Variants in TES observed in about 807,000 individuals in gnomAD.
TES encodes the protein testin LIM domain protein, also known as testin.
Under a neutral mutation model 48.2 loss-of-function variants are expected in TES, and 41 were observed. That is an observed-to-expected ratio of 0.85 (90% confidence interval 0.66 to 1.10). The LOEUF (loss-of-function observed/expected upper bound fraction) is 1.10, where lower values mean the gene tolerates loss of function less well. TES is among the 50% of genes least tolerant of loss of function. TES has a pLI of 0.00. For synonymous variants in TES, 162 were observed against 174.9 expected (o/e 0.93, Z 0.58); for missense variants, 463 against 515.1 (o/e 0.90, Z 0.98).
intron 1 of TES, among the ~76,000 whole-genome samples, chr7:116,216,489 G>A (rs1420645479): frequency 6.6e-6 from 1 of 152,042 alleles, no homozygotes; most frequent in Admixed American, 6.6e-5. Context: ...GATGATTTCT[G>A]AGGTTTCTCC....
At chr7:116,221,011 C>T (rs1799550005) in intron 1 of TES, among the ~76,000 whole-genome samples, 1 of 152,040 alleles carries the variant, frequency 6.6e-6, no homozygotes, top group Non-Finnish European at 1.5e-5. Context: ...AATATATTGT[C>T]AAGAATTTTA....
At chr7:116,219,239 C>G (rs1304935497) in intron 1 of TES, among the ~76,000 whole-genome samples, 1 of 152,022 alleles carries the variant, frequency 6.6e-6, no homozygotes, top group Non-Finnish European at 1.5e-5. Context: ...GTAAAACCAC[C>G]CTTGACATTT....
chr7:116,242,535 CTCTG>C (rs142637570), intron 2 of TES, among the ~76,000 whole-genome samples: 92 of 53,954 alleles, frequency 1.7e-3, no homozygotes, highest in Middle Eastern at 0.011. Flanking sequence ...CTCTCTCTCT[CTCTG>C]TCTCTGTCTC....
At chr7:116,232,698 C>A (rs1225835161) in intron 1 of TES, among the ~76,000 whole-genome samples, 1 of 152,022 alleles carries the variant, frequency 6.6e-6, no homozygotes, top group Non-Finnish European at 1.5e-5. Flanking sequence ...GAACTGTGAT[C>A]ATCAGTGACA....
At chr7:116,248,571 C>T (rs1799959267) in intron 2 of TES, among the ~76,000 whole-genome samples, 1 of 152,072 alleles carries the variant, frequency 6.6e-6, no homozygotes, top group African/African-American at 2.4e-5. Flanking sequence ...TATTTTTTGG[C>T]CATATGTATA....
rs200639579 is a variant in TES at position 116,251,918 on chromosome 7, A to G, written c.861A>G (p.Leu287=). 3.1e-6 allele frequency: 5 copies of G among 1,614,120 alleles called. No individual in the cohort carries two copies. The highest frequency in any genetic ancestry group is 4.2e-6 in the Non-Finnish European group (5 of 1,180,026). The change falls in exon 5 of 7, where the codon CTA becomes CTG. Residue 287 remains leucine, a synonymous_variant. Coordinates refer to ENST00000358204, the MANE Select transcript of TES (RefSeq NM_015641.4). ...TTTATTTTTGGAAGAATGAGAAGCT[A>G]TACTGTGGCAGACATTACTGTGACA... is the stretch of plus-strand genomic sequence containing the variant. The part of the protein sequence containing the change: ...DMIYFWKNEK[L]YCGRHYCDSE...
At chr7:116,245,251 T>A (rs186686948) in intron 2 of TES, among the ~76,000 whole-genome samples, 1 of 152,168 alleles carries the variant, frequency 6.6e-6, no homozygotes, top group Non-Finnish European at 1.5e-5. Context: ...CAAACTTTTA[T>A]CCTCCGTCAC....
rs750187390 is a variant in TES, at chr7:116,210,674, T to TAGG, written c.-24_-22dup. The TAGG allele has an allele frequency of 3.1e-6, 4 of 1,303,732 alleles. No individual in the cohort carries two copies. The highest frequency in any genetic ancestry group is 3.9e-6 in the Non-Finnish European group (4 of 1,014,248). 80.8% of individuals were successfully genotyped at this position (1,303,732 alleles called of 1,614,324 possible). ...CTGAACCCGGCCGTGGGATCCCGGA[T>TAGG]AGGAGGAGGAGGGGACCCATAGGAC... On this transcript the variant is annotated 5_prime_UTR_variant, in exon 1 of 7. Coordinates refer to ENST00000358204, the MANE Select transcript of TES (RefSeq NM_015641.4).
intron 1 of TES, among the ~76,000 whole-genome samples, chr7:116,212,454 C>A (rs1341804865): frequency 6.6e-6 from 1 of 152,164 alleles, no homozygotes; most frequent in Non-Finnish European, 1.5e-5. Flanking sequence ...ATGTACTGCA[C>A]TGATACGGGT....
intron 2 of TES, among the ~76,000 whole-genome samples, chr7:116,237,019 A>G (rs533682676): frequency 1.1e-3 from 160 of 152,306 alleles, no homozygotes; most frequent in Non-Finnish European, 1.5e-3. Context: ...CTTTTTCACC[A>G]TAGCTAAAAG....
chr7:116,253,498 G>C (rs1006172211), intron 6 of TES, among the ~76,000 whole-genome samples: 1 of 151,884 alleles, frequency 6.6e-6, no homozygotes, highest in Non-Finnish European at 1.5e-5. Flanking sequence ...TTGCTCAAAA[G>C]CTACCCACCA....
At chr7:116,224,287 C>T (rs1035259964) in intron 1 of TES, among the ~76,000 whole-genome samples, 5 of 152,128 alleles carry the variant, frequency 3.3e-5, no homozygotes, top group African/African-American at 9.7e-5. Context: ...CATGATAAAT[C>T]GTATTTTCAA....
intron 1 of TES, among the ~76,000 whole-genome samples, chr7:116,214,443 T>C (rs985361525): frequency 1.9e-4 from 29 of 152,180 alleles, no homozygotes; most frequent in African/African-American, 7.0e-4. Flanking sequence ...CCATTCTTGC[T>C]GCAAGAACCA....
chr7:116,255,762 T>C (rs1800089931), intron 6 of TES, among the ~76,000 whole-genome samples: 2 of 152,186 alleles, frequency 1.3e-5, no homozygotes, highest in Admixed American at 1.3e-4. Flanking sequence ...TGAAAGACTG[T>C]TCTTATCACA....
In TES at chr7:116,249,083, G is replaced by A. The variant is rs1270125143; in HGVS notation, c.177G>A (p.Glu59=). 1 of 1,614,000 alleles carries A rather than the reference G, an allele frequency of 6.2e-7. No individual in the cohort carries two copies. The highest frequency in any genetic ancestry group is 8.5e-7 in the Non-Finnish European group (1 of 1,179,932). The change falls in exon 3 of 7, where the codon GAG becomes GAA. Residue 59 remains glutamate, a synonymous_variant. Transcript: ENST00000358204. ...ATGATGTCCTCTTGAGCAATGAAGA[G>A]GATCGAAAAGTGGGAAAACTTTTTG... The part of the protein sequence containing the change: ...EEHDVLLSNE[E]DRKVGKLFED...
At chr7:116,244,165 C>T (rs535511147) in intron 2 of TES, among the ~76,000 whole-genome samples, 2 of 152,296 alleles carry the variant, frequency 1.3e-5, no homozygotes, top group East Asian at 3.9e-4. Flanking sequence ...CTCATGTCCT[C>T]ACATTTCAAA....
In TES at chr7:116,249,087, C is replaced by T. The variant is rs751832904; in HGVS notation, c.181C>T (p.Arg61Ter). Residue 61 changes from arginine to a stop codon, truncating the protein, a stop_gained, in exon 3 of 7, where the codon CGA (arginine) becomes TGA (stop). Transcript: ENST00000358204. LOFTEE classifies it high-confidence loss of function. The part of the protein sequence containing the change: ...HDVLLSNEED[R>*]KVGKLFEDTK... ...TGTCCTCTTGAGCAATGAAGAGGAT[C>T]GAAAAGTGGGAAAACTTTTTGAAGA... 6.2e-6 allele frequency: 10 copies of T among 1,613,814 alleles called. No individual in the cohort carries two copies. Among genetic ancestry groups the T allele is most frequent in the South Asian group, 4.4e-5 (4 of 91,066 alleles).
chr7:116,237,477 C>T (rs1799786175), intron 2 of TES, among the ~76,000 whole-genome samples: 1 of 152,078 alleles, frequency 6.6e-6, no homozygotes, highest in African/African-American at 2.4e-5. Context: ...CAGCCTCTTC[C>T]ACTTCCCTTC....
At position 116,257,583 on chromosome 7, in the gene TES, T is replaced by C. The variant is rs1206519929; in HGVS notation, c.*101T>C. On this transcript the variant is annotated 3_prime_UTR_variant, in exon 7 of 7. Transcript: ENST00000358204. ...AAAAATAAAACGCAAAAAAAGAAAC[T>C]GTAAAGGAAACCAAGAGATTTTGTT... The C allele has an allele frequency of 3.7e-6, 4 of 1,095,456 alleles. No individual in the cohort carries two copies. Among genetic ancestry groups the C allele is most frequent in the Non-Finnish European group, 4.8e-6 (4 of 835,058 alleles). The allele number at this position is 1,095,456 out of a possible 1,614,324, so 67.9% of individuals were successfully genotyped here.
Sources: gnomAD v4.1 joint callset for allele counts (sites outside exome capture counted in the v4.1 genomes callset) on GRCh38, gnomAD v4.1.1 for gene constraint, MANE v1.5 for transcripts, NCBI Gene and HGNC (gene_info 2026-07-23, HGNC 2026-07-21) for gene names.